NSUN3: variants seen among roughly 807,000 people sequenced by gnomAD.
NSUN3 encodes the protein NOP2/Sun RNA methyltransferase 3, also known as tRNA (cytosine(34)-C(5))-methyltransferase, mitochondrial.
NSUN3 carries 24 observed loss-of-function variants against 36.8 expected under a neutral mutation model. The observed-to-expected ratio is 0.65, with a 90% CI of 0.47 to 0.92. The LOEUF (loss-of-function observed/expected upper bound fraction) is 0.92. Among genes scored for constraint, NSUN3 ranks in the 40% least tolerant of loss-of-function variants. The probability of loss-of-function intolerance (pLI) is 0.00; values close to 1 mark genes in which losing one functional copy is unlikely to be tolerated. For synonymous variants in NSUN3, 146 were observed against 145.2 expected (o/e 1.01, Z -0.04); for missense variants, 381 against 392.8 (o/e 0.97, Z 0.25).
chr3:94,116,771 G>A (rs1281398260), intron 5 of NSUN3, among the ~76,000 whole-genome samples: 1 of 152,072 alleles, frequency 6.6e-6, no homozygotes, highest in Non-Finnish European at 1.5e-5. Flanking sequence ...TTCAGAATTT[G>A]TTTGGATTTG....
At chr3:94,115,009 G>A (rs1465177332) in intron 5 of NSUN3, among the ~76,000 whole-genome samples, 1 of 152,054 alleles carries the variant, frequency 6.6e-6, no homozygotes, top group African/African-American at 2.4e-5. Flanking sequence ...CCTCATGGAG[G>A]AATATGTACA....
Position 94,130,277 on chromosome 3 carries a change from T to C in NSUN3, c.*3787T>C, listed in dbSNP as rs2077504548. 6.6e-6 allele frequency among the ~76,000 whole-genome samples: 1 copy of C among 152,200 alleles called. No individual in the cohort carries two copies. The highest frequency in any genetic ancestry group is 2.1e-4 in the South Asian group (1 of 4,832). On this transcript the variant is annotated 3_prime_UTR_variant, in exon 6 of 6. Coordinates refer to ENST00000314622, the MANE Select transcript of NSUN3 (RefSeq NM_022072.5). ...TTTGGAAATACTTGCCTCTTGTAGA[T>C]CCAGCTTTAACATTTTTATGACATC...
At chr3:94,108,319 A>G (rs2077399739) in intron 5 of NSUN3, among the ~76,000 whole-genome samples, 1 of 152,040 alleles carries the variant, frequency 6.6e-6, no homozygotes, top group Admixed American at 6.5e-5. Context: ...TCTCTTCCTG[A>G]CCTGCCTCTT....
At chr3:94,103,506 T>G (rs967520735) in intron 5 of NSUN3, among the ~76,000 whole-genome samples, 3 of 151,554 alleles carry the variant, frequency 2.0e-5, no homozygotes, top group Non-Finnish European at 4.4e-5. Flanking sequence ...ATTTATTGAT[T>G]TATTTATTAC....
chr3:94,128,938 T>A lies in NSUN3; in HGVS notation c.*2448T>A, dbSNP rs2077499140. The stretch of plus-strand genomic sequence containing the variant: ...AGAGAAATGCAAATCAAAACCACAC[T>A]GAGATAATATTTTACACCAGTCAGA... On this transcript the variant is annotated 3_prime_UTR_variant, in exon 6 of 6. Coordinates refer to ENST00000314622, the MANE Select transcript of NSUN3 (RefSeq NM_022072.5). Among the ~76,000 whole-genome samples the A allele has an allele frequency of 6.6e-6, 1 of 152,004 alleles. No individual in the cohort carries two copies.
intron 5 of NSUN3, among the ~76,000 whole-genome samples, chr3:94,108,456 G>A (rs1005617941): frequency 6.6e-5 from 10 of 151,958 alleles, no homozygotes; most frequent in Admixed American, 2.0e-4. Context: ...CGCCTTTCAG[G>A]TTCAAGTGAT....
intron 2 of NSUN3, among the ~76,000 whole-genome samples, chr3:94,067,737 T>G (rs553652425): frequency 7.4e-4 from 113 of 152,292 alleles, no homozygotes; most frequent in African/African-American, 2.7e-3. Flanking sequence ...TCCATTTATA[T>G]ATAGGAAAGC....
At position 94,071,747 on chromosome 3, in the gene NSUN3, G is replaced by A. The variant is rs557406040; in HGVS notation, c.122+7201G>A. Among the ~76,000 whole-genome samples the A allele has an allele frequency of 2.2e-3, 341 of 152,280 alleles. 1 individual carries two copies. The highest frequency in any genetic ancestry group is 0.014 in the Middle Eastern group (4 of 294). On this transcript the variant is annotated intron_variant, in intron 2 of 5. Transcript: ENST00000314622. ...ACCTGGAAGACCAGTAAATGGAGCC[G>A]CTTCAGACTAACTGTGAATCTTGGG...
chr3:94,076,431 G>T lies in NSUN3; in HGVS notation c.123-7676G>T, dbSNP rs141891887. On this transcript the variant is annotated intron_variant, in intron 2 of 5. Coordinates refer to ENST00000314622, the MANE Select transcript of NSUN3 (RefSeq NM_022072.5). The stretch of plus-strand genomic sequence containing the variant: ...CAAGTATCCCAAATCATAAGTTTCT[G>T]ATGATCAGCAACTGACCCAAACAGA... 41 of 794,388 alleles carry T rather than the reference G, an allele frequency of 5.2e-5. No individual in the cohort carries two copies. The East Asian group carries it at 9.7e-4, about 19-fold the overall frequency. 49.2% of individuals were successfully genotyped at this position (794,388 alleles called of 1,614,324 possible). A position where few individuals can be genotyped will look rare whatever the true frequency, so the allele number is the denominator to read the frequency against.
intron 3 of NSUN3, among the ~76,000 whole-genome samples, chr3:94,089,835 C>T (rs890856050): frequency 1.3e-5 from 2 of 152,170 alleles, no homozygotes; most frequent in Admixed American, 6.5e-5. Context: ...TTAAACTTGG[C>T]TTGGTCTCTT....
chr3:94,111,817 C>CTT (rs140158512), intron 5 of NSUN3, among the ~76,000 whole-genome samples: 108 of 144,246 alleles, frequency 7.5e-4, no homozygotes, highest in African/African-American at 2.7e-3. Context: ...TTACAGTTAC[C>CTT]TTTTTTTTTT....
chr3:94,077,186 G>A (rs190397835), intron 2 of NSUN3: 7 of 694,440 alleles, frequency 1.0e-5, no homozygotes, highest in Middle Eastern at 3.9e-4. Context: ...GAGGCCAGGC[G>A]AGCCAGGGGA....
At chr3:94,065,051 A>G (rs954984639) in intron 2 of NSUN3, among the ~76,000 whole-genome samples, 2 of 152,206 alleles carry the variant, frequency 1.3e-5, no homozygotes, top group Non-Finnish European at 2.9e-5. Context: ...AAAATAAGGA[A>G]TGTTTAATGC....
At chr3:94,092,342 T>A (rs1245208143) in intron 3 of NSUN3, among the ~76,000 whole-genome samples, 2 of 152,160 alleles carry the variant, frequency 1.3e-5, no homozygotes, top group African/African-American at 4.8e-5. Flanking sequence ...TCATGCTACT[T>A]CCATGATTTA....
intron 5 of NSUN3, among the ~76,000 whole-genome samples, chr3:94,123,620 C>G (rs2077473182): frequency 6.6e-6 from 1 of 152,024 alleles, no homozygotes; most frequent in South Asian, 2.1e-4. Context: ...TTCATCAAGA[C>G]CCTCTCCACC....
chr3:94,106,618 C>G (rs1030847459), intron 5 of NSUN3, among the ~76,000 whole-genome samples: 2 of 152,170 alleles, frequency 1.3e-5, no homozygotes, highest in Non-Finnish European at 2.9e-5. Context: ...TGAGCTTCAA[C>G]TTTTCACCTT....
At chr3:94,116,581 TAATTA>T (rs1270379161) in intron 5 of NSUN3, among the ~76,000 whole-genome samples, 2 of 152,140 alleles carry the variant, frequency 1.3e-5, no homozygotes, top group Non-Finnish European at 2.9e-5. Flanking sequence ...CTTGCAACAA[TAATTA>T]AATTAAGCTT....
chr3:94,078,994 C>T (rs1051259984), intron 2 of NSUN3, among the ~76,000 whole-genome samples: 14 of 152,040 alleles, frequency 9.2e-5, no homozygotes, highest in South Asian at 2.1e-4. Context: ...TTATTTTGTC[C>T]GTTAGTTGAT....
rs147520032 is a variant in NSUN3, at chr3:94,129,263, C to G, written c.*2773C>G. ...ATACGGAATCAACCTAACCGCCCAT[C>G]AGCAGTTGATTGAATAAAGGAAATG... On this transcript the variant is annotated 3_prime_UTR_variant, in exon 6 of 6. Coordinates refer to ENST00000314622, the MANE Select transcript of NSUN3 (RefSeq NM_022072.5). Among the ~76,000 whole-genome samples, 18 of 152,266 alleles carry G rather than the reference C, an allele frequency of 1.2e-4. No homozygotes were observed. The highest frequency in any genetic ancestry group is 4.1e-4 in the African/African-American group (17 of 41,542).
Sources: gnomAD v4.1 joint callset for allele counts (sites outside exome capture counted in the v4.1 genomes callset) on GRCh38, gnomAD v4.1.1 for gene constraint, MANE v1.5 for transcripts, NCBI Gene and HGNC (gene_info 2026-07-23, HGNC 2026-07-21) for gene names.